The following SLC25A21 variants were observed in gnomAD, a reference collection of about 807,000 sequenced individuals.
SLC25A21 encodes the protein mitochondrial 2-oxodicarboxylate carrier.
A neutral mutation model predicts 43.8 loss-of-function variants in SLC25A21; 47 were observed. The ratio of observed to expected loss-of-function variants is 1.07; its 90% CI spans 0.85 to 1.37. The LOEUF (loss-of-function observed/expected upper bound fraction) is 1.37, where lower values mean the gene tolerates loss of function less well. Among genes scored for constraint, SLC25A21 ranks in the 40% most tolerant of loss-of-function variants. The pLI is 0.00. For synonymous variants in SLC25A21, 131 were observed against 121.3 expected (o/e 1.08, Z -0.52); for missense variants, 352 against 350.2 (o/e 1.00, Z -0.04).
At chr14:36,725,787 C>T (rs978432428) in intron 5 of SLC25A21, 110 bp from the exon 6 acceptor site, 4 of 510,984 alleles carry the variant, frequency 7.8e-6, no homozygotes, top group African/African-American at 6.1e-5. Flanking sequence ...AATGGAGAAA[C>T]CTACATAAAC....
At chr14:36,850,655 T>C (rs554332075) in intron 2 of SLC25A21, among the ~76,000 whole-genome samples, 34 of 152,288 alleles carry the variant, frequency 2.2e-4, no homozygotes, top group African/African-American at 8.2e-4. Flanking sequence ...TGTTATAACA[T>C]GTTATTTTCT....
intron 2 of SLC25A21, among the ~76,000 whole-genome samples, chr14:36,845,258 A>G (rs2138505702): frequency 6.6e-6 from 1 of 152,340 alleles, no homozygotes; most frequent in East Asian, 1.9e-4. Context: ...ATTTTTAAAT[A>G]TTAATTTTAA....
At chr14:36,787,223 C>T (rs1391837468) in intron 3 of SLC25A21, among the ~76,000 whole-genome samples, 2 of 152,094 alleles carry the variant, frequency 1.3e-5, no homozygotes, top group African/African-American at 2.4e-5. Flanking sequence ...GAGATAGAGT[C>T]GGTAAAATGG....
intron 2 of SLC25A21, among the ~76,000 whole-genome samples, chr14:36,874,182 G>C (rs1890452564): frequency 6.6e-6 from 1 of 152,076 alleles, no homozygotes; most frequent in Non-Finnish European, 1.5e-5. Flanking sequence ...TCCTAATTGA[G>C]GCAGTAATGG....
chr14:36,984,881 G>A (rs1960110004), intron 1 of SLC25A21, among the ~76,000 whole-genome samples: 1 of 151,640 alleles, frequency 6.6e-6, no homozygotes, highest in Non-Finnish European at 1.5e-5. Context: ...GCTCACGTAT[G>A]TTTATTGCAG....
intron 1 of SLC25A21, among the ~76,000 whole-genome samples, chr14:37,024,554 C>T (rs1266086032): frequency 2.0e-5 from 3 of 152,016 alleles, no homozygotes; most frequent in Non-Finnish European, 4.4e-5. Flanking sequence ...AAGTAAGGTG[C>T]ATCTCTCAGT....
intron 2 of SLC25A21, among the ~76,000 whole-genome samples, chr14:36,840,130 C>T (rs1310405909): frequency 6.6e-6 from 1 of 152,120 alleles, no homozygotes; most frequent in African/African-American, 2.4e-5. Flanking sequence ...ACGGAACTAA[C>T]TCCCGGAGAA....
At position 36,709,587 on chromosome 14, in the gene SLC25A21, C is replaced by A. The variant is rs951219597; in HGVS notation, c.603+1731G>T. On this transcript the variant is annotated intron_variant, in intron 7 of 9. Coordinates refer to ENST00000331299, the MANE Select transcript of SLC25A21 (RefSeq NM_030631.4). ...TTTCAGACCAAAAAAACATAAGCTTCTACTCAATAAATGAGATTTCCAAAT... is the reference window on the plus strand; with the variant it reads ...TTTCAGACCAAAAAAACATAAGCTTATACTCAATAAATGAGATTTCCAAAT... Among the ~76,000 whole-genome samples the A allele has an allele frequency of 2.1e-4, 32 of 152,172 alleles. 1 individual carries two copies. The highest frequency in any genetic ancestry group is 8.8e-5 in the Non-Finnish European group (6 of 68,032).
At chr14:37,170,092 G>A (rs895724727) in intron 1 of SLC25A21, among the ~76,000 whole-genome samples, 4 of 151,956 alleles carry the variant, frequency 2.6e-5, no homozygotes, top group African/African-American at 9.7e-5. Flanking sequence ...TTGGAGTGCA[G>A]TGGCACGATC....
Position 37,081,561 on chromosome 14 carries a change from T to C in SLC25A21, c.70+90720A>G, listed in dbSNP as rs1170655280. Among the ~76,000 whole-genome samples, 3 of 152,208 alleles carry C rather than the reference T, an allele frequency of 2.0e-5. No individual in the cohort carries two copies. In the East Asian group the frequency reaches 5.8e-4, roughly 29 times the overall value. On this transcript the variant is annotated intron_variant, in intron 1 of 9. Coordinates refer to ENST00000331299, the MANE Select transcript of SLC25A21 (RefSeq NM_030631.4). ...AAACAGGAATTTCTGATTGGTTAAT[T>C]TATAACTAAGGCCCACAAACAAAGA...
At chr14:36,905,270 G>A (rs1470376687) in intron 1 of SLC25A21, among the ~76,000 whole-genome samples, 1 of 152,212 alleles carries the variant, frequency 6.6e-6, no homozygotes, top group Non-Finnish European at 1.5e-5. Context: ...AGAATAGGCT[G>A]TAGGAAGTTT....
At chr14:36,838,958 G>A (rs1474911665) in intron 2 of SLC25A21, among the ~76,000 whole-genome samples, 1 of 152,138 alleles carries the variant, frequency 6.6e-6, no homozygotes, top group African/African-American at 2.4e-5. Flanking sequence ...CCCAATTAAT[G>A]TGGAGTGTGC....
rs143409102 is a variant in SLC25A21 at position 37,130,276 on chromosome 14, T to C, written c.70+42005A>G. 1.1e-3 allele frequency among the ~76,000 whole-genome samples: 170 copies of C among 152,198 alleles called. 2 individuals carry two copies. The highest frequency in any genetic ancestry group is 2.1e-3 in the Non-Finnish European group (144 of 67,998). ...AAAACTCTGTTTCTGAAAAGATTAA[T>C]AAATTAAAAAAATTTTAACTTTTGA... On this transcript the variant is annotated intron_variant, in intron 1 of 9. Coordinates refer to ENST00000331299, the MANE Select transcript of SLC25A21 (RefSeq NM_030631.4).
intron 1 of SLC25A21, among the ~76,000 whole-genome samples, chr14:36,944,396 G>A: frequency 6.6e-6 from 1 of 152,258 alleles, no homozygotes; most frequent in East Asian, 1.9e-4. Flanking sequence ...GCGGGTGGAG[G>A]GCATAGGGTA....
chr14:36,907,943 T>C (rs1891579384), intron 1 of SLC25A21, among the ~76,000 whole-genome samples: 1 of 152,220 alleles, frequency 6.6e-6, no homozygotes, highest in Admixed American at 6.5e-5. Context: ...ATTCACACTT[T>C]GTAATTGCAC....
At position 36,859,151 on chromosome 14, in the gene SLC25A21, C is replaced by T. The variant is rs551087160; in HGVS notation, c.119+15805G>A. On this transcript the variant is annotated intron_variant, in intron 2 of 9. Coordinates refer to ENST00000331299, the MANE Select transcript of SLC25A21 (RefSeq NM_030631.4). ...TTGAAGCTGAAACCCTGCTTGACAC[C>T]GCTACTCTGCTAATCCTGGTTGTCT... is the stretch of plus-strand genomic sequence containing the variant. Among the ~76,000 whole-genome samples, 6 of 152,172 alleles carry T rather than the reference C, an allele frequency of 3.9e-5. No homozygotes were observed. In the East Asian group the frequency reaches 9.7e-4, roughly 25 times the overall value.
intron 1 of SLC25A21, among the ~76,000 whole-genome samples, chr14:36,963,809 T>C (rs1008317853): frequency 6.6e-6 from 1 of 152,180 alleles, no homozygotes; most frequent in African/African-American, 2.4e-5. Context: ...AGAACATCAC[T>C]GTTTTTGTTT....
intron 1 of SLC25A21, among the ~76,000 whole-genome samples, chr14:36,893,999 C>G (rs1242134584): frequency 6.6e-6 from 1 of 152,086 alleles, no homozygotes; most frequent in African/African-American, 2.4e-5. Context: ...GTTCTTTTGG[C>G]TTAGGATTGA....
At chr14:37,029,410 T>C (rs1268247239) in intron 1 of SLC25A21, among the ~76,000 whole-genome samples, 1 of 152,196 alleles carries the variant, frequency 6.6e-6, no homozygotes, top group Non-Finnish European at 1.5e-5. Context: ...CTGTTGTTAC[T>C]GCATAAGTCT....
Sources: allele counts gnomAD v4.1 joint callset (sites outside exome capture counted in the v4.1 genomes callset), GRCh38; gene constraint gnomAD v4.1.1; transcripts MANE v1.5; gene names NCBI Gene and HGNC (gene_info 2026-07-23, HGNC 2026-07-21).